Variants in KIAA1328 observed in about 807,000 individuals in gnomAD.
KIAA1328 encodes KIAA1328, also known as protein hinderin.
In KIAA1328, 52 loss-of-function variants were observed where a neutral mutation model predicts 68.1. That is an observed-to-expected ratio of 0.76 (90% CI 0.61 to 0.96). The LOEUF is 0.96. Among genes scored for constraint, KIAA1328 ranks in the 40% least tolerant of loss-of-function variants. The pLI is 0.00. For synonymous variants in KIAA1328, 232 were observed against 239.4 expected (o/e 0.97, Z 0.28); for missense variants, 641 against 677.6 (o/e 0.95, Z 0.60).
intron 7 of KIAA1328, among the ~76,000 whole-genome samples, chr18:37,156,960 T>C (rs143617830): frequency 0.011 from 1,618 of 152,212 alleles, 47 homozygotes; most frequent in Admixed American, 0.062. Flanking sequence ...GGACAGACTT[T>C]TGCAATGTCT....
At chr18:37,140,621 A>C (rs2058746215) in intron 7 of KIAA1328, among the ~76,000 whole-genome samples, 1 of 152,154 alleles carries the variant, frequency 6.6e-6, no homozygotes, top group South Asian at 2.1e-4. Flanking sequence ...AAAATATGGA[A>C]ATAGAGTTCA....
intron 6 of KIAA1328, among the ~76,000 whole-genome samples, chr18:36,982,047 G>T (rs2052710084): frequency 1.4e-5 from 2 of 145,670 alleles, no homozygotes; most frequent in Admixed American, 6.9e-5. Context: ...TCATTGAGTT[G>T]TTGGACAACT....
chr18:37,166,485 G>T (rs1175205210), intron 8 of KIAA1328, among the ~76,000 whole-genome samples: 1 of 152,054 alleles, frequency 6.6e-6, no homozygotes, highest in African/African-American at 2.4e-5. Context: ...TTTATGTGTA[G>T]TCCAAGACAG....
chr18:37,085,111 G>C (rs151218100), intron 7 of KIAA1328, among the ~76,000 whole-genome samples: 1 of 152,140 alleles, frequency 6.6e-6, no homozygotes, highest in Non-Finnish European at 1.5e-5. Context: ...CCTGGCTCTG[G>C]GCTGGTCTGG....
intron 6 of KIAA1328, among the ~76,000 whole-genome samples, chr18:37,048,986 C>A (rs1480175578): frequency 6.6e-6 from 1 of 152,108 alleles, no homozygotes; most frequent in Non-Finnish European, 1.5e-5. Context: ...GTAACATTTT[C>A]TTTATCCCCA....
chr18:37,024,010 T>G (rs1400174497), intron 6 of KIAA1328, among the ~76,000 whole-genome samples: 1 of 152,128 alleles, frequency 6.6e-6, no homozygotes, highest in Non-Finnish European at 1.5e-5. Flanking sequence ...TTCTTTTTTG[T>G]GTATGTGACA....
intron 4 of KIAA1328, among the ~76,000 whole-genome samples, chr18:36,853,213 C>T (rs2047271511): frequency 6.6e-6 from 1 of 152,084 alleles, no homozygotes; most frequent in East Asian, 1.9e-4. Flanking sequence ...GAATATAAAC[C>T]TGTAGATTAT....
chr18:36,893,461 G>GTT (rs1239854969), intron 5 of KIAA1328, among the ~76,000 whole-genome samples: 42 of 102,932 alleles, frequency 4.1e-4, no homozygotes, highest in African/African-American at 1.4e-3. Flanking sequence ...GTGTGTGTGT[G>GTT]TTTTTGTGTG....
intron 7 of KIAA1328, among the ~76,000 whole-genome samples, chr18:37,089,624 C>T (rs1200862039): frequency 1.3e-5 from 2 of 152,108 alleles, no homozygotes; most frequent in Admixed American, 6.5e-5. Context: ...ATGCACCTGC[C>T]TTGGCCTCCC....
intron 7 of KIAA1328, among the ~76,000 whole-genome samples, chr18:37,132,189 G>A (rs991639740): frequency 6.6e-6 from 1 of 152,130 alleles, no homozygotes; most frequent in Non-Finnish European, 1.5e-5. Context: ...ATGGAATATG[G>A]TGGGTATATA....
At chr18:37,115,654 G>T (rs568489071) in intron 7 of KIAA1328, among the ~76,000 whole-genome samples, 1 of 152,238 alleles carries the variant, frequency 6.6e-6, no homozygotes, top group African/African-American at 2.4e-5. Flanking sequence ...AGTGTTGGAA[G>T]TTCTGGCCTG....
At chr18:36,854,475 A>G (rs1352318900) in intron 4 of KIAA1328, among the ~76,000 whole-genome samples, 1 of 152,136 alleles carries the variant, frequency 6.6e-6, no homozygotes, top group Non-Finnish European at 1.5e-5. Flanking sequence ...TTATCTAGTT[A>G]CCTTTACCAG....
At chr18:37,178,102 A>G (rs2059629193) in intron 9 of KIAA1328, among the ~76,000 whole-genome samples, 1 of 152,210 alleles carries the variant, frequency 6.6e-6, no homozygotes, top group Non-Finnish European at 1.5e-5. Flanking sequence ...AATAAAATGC[A>G]ATATTGTTAG....
At chr18:36,904,024 G>A (rs1172425440) in intron 5 of KIAA1328, among the ~76,000 whole-genome samples, 1 of 151,912 alleles carries the variant, frequency 6.6e-6, no homozygotes, top group Non-Finnish European at 1.5e-5. Flanking sequence ...CTCATTTCTT[G>A]GAAAAAACAA....
intron 5 of KIAA1328, among the ~76,000 whole-genome samples, chr18:36,904,104 T>C (rs1173812189): frequency 1.3e-5 from 2 of 152,124 alleles, no homozygotes; most frequent in African/African-American, 2.4e-5. Flanking sequence ...TCTCACAAAT[T>C]TGTAGCTTTG....
chr18:37,011,476 T>G (rs544228783), intron 6 of KIAA1328, among the ~76,000 whole-genome samples: 2 of 152,316 alleles, frequency 1.3e-5, no homozygotes, highest in East Asian at 3.9e-4. Flanking sequence ...CCAACTTCAC[T>G]GCTCTCATCC....
At chr18:36,861,914 C>A (rs1220449642) in intron 4 of KIAA1328, among the ~76,000 whole-genome samples, 1 of 152,126 alleles carries the variant, frequency 6.6e-6, no homozygotes, top group Non-Finnish European at 1.5e-5. Flanking sequence ...ACACCATCTA[C>A]CAGCCTTGGC....
intron 1 of KIAA1328, among the ~76,000 whole-genome samples, chr18:36,829,823 C>T (rs2150741686): frequency 6.6e-6 from 1 of 152,212 alleles, no homozygotes; most frequent in South Asian, 2.1e-4. Flanking sequence ...GAGTGCGGGT[C>T]ACTGGCAGTC....
chr18:37,119,035 A>G (rs1006676984), intron 7 of KIAA1328, among the ~76,000 whole-genome samples: 3 of 152,204 alleles, frequency 2.0e-5, no homozygotes, highest in African/African-American at 7.2e-5. Flanking sequence ...CATGAACATG[A>G]GTCAATTACC....
Sources: allele counts gnomAD v4.1 joint callset (sites outside exome capture counted in the v4.1 genomes callset), GRCh38; gene constraint gnomAD v4.1.1; transcripts MANE v1.5; gene names NCBI Gene and HGNC (gene_info 2026-07-23, HGNC 2026-07-21).